The following EREG variants were observed in gnomAD, a reference collection of about 807,000 sequenced individuals.
The protein encoded by EREG is proepiregulin.
In EREG, 23 loss-of-function variants were observed where a neutral mutation model predicts 22.4. That is an observed-to-expected ratio of 1.03 (90% CI 0.74 to 1.46). The LOEUF is 1.46. EREG is among the 40% of genes most tolerant of loss of function. The probability of loss-of-function intolerance (pLI) is 0.00; values close to 1 mark genes in which losing one functional copy is unlikely to be tolerated. For missense variants in EREG, 226 were observed against 205.9 expected (o/e 1.10, Z -0.60); for synonymous variants, 100 against 75.4 (o/e 1.33, Z -1.69).
In EREG at chr4:74,386,499, A is replaced by G. The variant is rs979195660; in HGVS notation, c.*1691A>G. The G allele has an allele frequency of 1.3e-5, 2 of 152,264 alleles. No homozygotes were observed. The highest frequency in any genetic ancestry group is 1.3e-4 in the Admixed American group (2 of 15,288). The allele number at this position is 152,264 out of a possible 1,614,324, so 9.4% of individuals were successfully genotyped here. A position where few individuals can be genotyped will look rare whatever the true frequency, so the allele number is the denominator to read the frequency against. ...TATATATATTCATATACAAACATGT[A>G]TGTATACATGACCTTAATGGATCAT... On this transcript the variant is annotated 3_prime_UTR_variant, in exon 5 of 5. Coordinates refer to ENST00000244869, the MANE Select transcript of EREG (RefSeq NM_001432.3).
intron 1 of EREG, among the ~76,000 whole-genome samples, chr4:74,367,795 G>A (rs762625418): frequency 6.6e-6 from 1 of 152,094 alleles, no homozygotes; most frequent in African/African-American, 2.4e-5. Context: ...TTTTGACCAG[G>A]TACCCTCACC....
intron 1 of EREG, among the ~76,000 whole-genome samples, chr4:74,377,625 G>A (rs1053290468): frequency 3.3e-5 from 5 of 152,124 alleles, no homozygotes; most frequent in African/African-American, 1.2e-4. Context: ...CCTGAGACTG[G>A]GTAATTTATA....
intron 1 of EREG, among the ~76,000 whole-genome samples, chr4:74,371,983 T>C (rs531595585): frequency 2.0e-5 from 3 of 152,318 alleles, no homozygotes; most frequent in South Asian, 2.1e-4. Context: ...ACCAGTTTTC[T>C]TTCCAGTGTT....
At position 74,381,915 on chromosome 4, in the gene EREG, G is replaced by C. The variant is rs1441581380; in HGVS notation, c.279-730G>C. ...CAGGAGAATGGCATGAACCCGGGGG[G>C]TGGAGCTTGCAGTGAGCGGAGATCA... On this transcript the variant is annotated intron_variant, in intron 3 of 4. Transcript: ENST00000244869. 4.9e-5 allele frequency: 7 copies of C among 141,954 alleles called. No homozygotes were observed. In the Admixed American group the frequency reaches 5.3e-4, roughly 11 times the overall value. 8.8% of individuals were successfully genotyped at this position (141,954 alleles called of 1,614,324 possible).
chr4:74,370,249 A>G (rs1578816740), intron 1 of EREG, among the ~76,000 whole-genome samples: 2 of 151,870 alleles, frequency 1.3e-5, no homozygotes, highest in African/African-American at 4.8e-5. Context: ...CACACATCAC[A>G]CTGTAAGTGT....
rs145916659 is a variant in EREG at position 74,381,045 on chromosome 4, A to T, written c.186A>T (p.Gln62His). Residue 62 changes from glutamine to histidine, a missense_variant, in exon 3 of 5, where the codon CAA (glutamine) becomes CAT (histidine). Physicochemically the swap from Gln to His is conservative, Grantham distance 24 (BLOSUM62 0). Coordinates refer to ENST00000244869, the MANE Select transcript of EREG (RefSeq NM_001432.3). ...VQTEDNPRVAQVSITKCSSDM... is the reference protein window; with the variant it reads ...VQTEDNPRVAHVSITKCSSDM... Reference sequence around the variant, plus strand: ...CAGAAGACAATCCACGTGTGGCTCAAGTGTCAATAACAAAGTGTAGCTCTG... The same window carrying T: ...CAGAAGACAATCCACGTGTGGCTCATGTGTCAATAACAAAGTGTAGCTCTG... The T allele has an allele frequency of 3.8e-4, 616 of 1,613,692 alleles. No homozygotes were observed. Among genetic ancestry groups the T allele is most frequent in the Non-Finnish European group, 5.0e-4 (592 of 1,179,832 alleles).
At chr4:74,381,361 ACT>A in intron 3 of EREG, 1 of 408,796 alleles carries the variant, frequency 2.4e-6, no homozygotes, top group East Asian at 4.1e-5. Flanking sequence ...CTATTACTCC[ACT>A]CTCTATGACC....
intron 1 of EREG, among the ~76,000 whole-genome samples, chr4:74,375,516 A>T (rs1485859621): frequency 2.7e-5 from 4 of 145,800 alleles, no homozygotes; most frequent in African/African-American, 1.0e-4. Flanking sequence ...TTTTTAATAG[A>T]GACGGGGTTT....
chr4:74,370,942 C>T (rs1435045130), intron 1 of EREG, among the ~76,000 whole-genome samples: 1 of 152,160 alleles, frequency 6.6e-6, no homozygotes, highest in Non-Finnish European at 1.5e-5. Context: ...AACCTTGTCT[C>T]AGTTGACATT....
intron 1 of EREG, among the ~76,000 whole-genome samples, chr4:74,368,364 G>A (rs961269021): frequency 1.3e-5 from 2 of 152,176 alleles, no homozygotes; most frequent in African/African-American, 4.8e-5. Flanking sequence ...GAAGTCAGTT[G>A]ACTGGGGCCC....
chr4:74,370,957 A>C (rs1752279543), intron 1 of EREG, among the ~76,000 whole-genome samples: 1 of 152,114 alleles, frequency 6.6e-6, no homozygotes, highest in African/African-American at 2.4e-5. Flanking sequence ...GACATTAGGG[A>C]CTAAATAATT....
At position 74,382,645 on chromosome 4, in the gene EREG, G is replaced by T. The variant is rs761793384; in HGVS notation, c.279G>T (p.Arg93Ser). ...TTCTTTCTTCCGTATTTTCCTTCAGGTGTGAAGTGGGTTATACTGGTGTCC... is the reference window on the plus strand; with the variant it reads ...TTCTTTCTTCCGTATTTTCCTTCAGTTGTGAAGTGGGTTATACTGGTGTCC... ...YLVDMSQNYC[R>S]CEVGYTGVRC... Residue 93 changes from arginine (R) to serine (S), a missense_variant and splice_region_variant, in exon 4 of 5, where the codon AGG (arginine) becomes AGT (serine). Coordinates refer to ENST00000244869, the MANE Select transcript of EREG (RefSeq NM_001432.3). 6.3e-7 allele frequency: 1 copy of T among 1,576,096 alleles called. No individual in the cohort carries two copies. The highest frequency in any genetic ancestry group is 8.6e-7 in the Non-Finnish European group (1 of 1,164,270).
At position 74,365,375 on chromosome 4, in the gene EREG, G is replaced by A. The variant is rs1242149863; in HGVS notation, c.67G>A (p.Gly23Ser). ...GRVPALLLCL[G>S]FHLLQAVLST... ...GGTCCCTGCGCTGCTGCTCTGCCTG[G>A]GTAAGTTCTCCCCCTCTGGCTTCCG... The change falls in exon 1 of 5, where the codon GGT (glycine) becomes AGT (serine). Residue 23 changes from glycine (G) to serine (S), a missense_variant and splice_region_variant. Gly to Ser is a moderately conservative substitution (Grantham distance 56). Transcript: ENST00000244869. The A allele has an allele frequency of 8.1e-6, 13 of 1,611,916 alleles. No individual in the cohort carries two copies. Among genetic ancestry groups the A allele is most frequent in the East Asian group, 2.2e-5 (1 of 44,842 alleles).
At chr4:74,378,474 T>A (rs1752419761) in intron 1 of EREG, among the ~76,000 whole-genome samples, 1 of 152,184 alleles carries the variant, frequency 6.6e-6, no homozygotes, top group African/African-American at 2.4e-5. Context: ...ATGTCTAATT[T>A]TTTTCAAATC....
Position 74,382,951 on chromosome 4 carries a change from C to T in EREG, c.428+157C>T, listed in dbSNP as rs1752503969. On this transcript the variant is annotated intron_variant, in intron 4 of 4. Transcript: ENST00000244869. The stretch of plus-strand genomic sequence containing the variant: ...GTTGAGAAACTATTAAGTATTATGC[C>T]CAACACCTGAGTGATGGGATCAGCT... Among the ~76,000 whole-genome samples the T allele has an allele frequency of 3.9e-5, 6 of 152,036 alleles. No homozygotes were observed. In the South Asian group the frequency reaches 1.2e-3, roughly 32 times the overall value.
At chr4:74,383,922 C>T (rs1376815385) in intron 4 of EREG, among the ~76,000 whole-genome samples, 3 of 152,062 alleles carry the variant, frequency 2.0e-5, no homozygotes, top group Non-Finnish European at 4.4e-5. Flanking sequence ...TTCAAATATC[C>T]CAGCTCATAT....
At chr4:74,375,770 G>A (rs1384751839) in intron 1 of EREG, among the ~76,000 whole-genome samples, 3 of 152,140 alleles carry the variant, frequency 2.0e-5, no homozygotes, top group Non-Finnish European at 4.4e-5. Flanking sequence ...GAACATTTGA[G>A]AACCACTATT....
chr4:74,368,646 C>T (rs569034224), intron 1 of EREG, among the ~76,000 whole-genome samples: 1 of 152,250 alleles, frequency 6.6e-6, no homozygotes, highest in African/African-American at 2.4e-5. Flanking sequence ...CTCCCATTTC[C>T]TGGTTAATGT....
intron 1 of EREG, among the ~76,000 whole-genome samples, chr4:74,373,159 C>A (rs2110385038): frequency 6.6e-6 from 1 of 151,948 alleles, no homozygotes; most frequent in Admixed American, 6.5e-5. Flanking sequence ...ACAAGATATA[C>A]ATCTTTAAAT....
Sources: gnomAD v4.1 joint callset for allele counts (sites outside exome capture counted in the v4.1 genomes callset) on GRCh38, gnomAD v4.1.1 for gene constraint, MANE v1.5 for transcripts, NCBI Gene and HGNC (gene_info 2026-07-23, HGNC 2026-07-21) for gene names.